The following DOCK5 variants were observed in gnomAD, a reference collection of about 807,000 sequenced individuals.
The protein encoded by DOCK5 is dedicator of cytokinesis 5.
A neutral mutation model predicts 251.8 loss-of-function variants in DOCK5; 142 were observed. The observed-to-expected ratio is 0.56, with a 90% CI of 0.49 to 0.65. The LOEUF is 0.65. Among genes scored for constraint, DOCK5 ranks in the 30% least tolerant of loss-of-function variants. The pLI, the probability that DOCK5 is intolerant of heterozygous loss-of-function variation, is 0.00. For synonymous variants in DOCK5, 842 were observed against 835.5 expected, an observed-to-expected ratio of 1.01 and a Z score of -0.13; for missense variants, 2,111 against 2,312.3, an observed-to-expected ratio of 0.91 and a Z score of 1.79.
At chr8:25,339,542 C>T (rs988618743) in intron 22 of DOCK5, among the ~76,000 whole-genome samples, 10 of 152,096 alleles carry the variant, frequency 6.6e-5, no homozygotes, top group Non-Finnish European at 1.3e-4. Context: ...CTGAGCTGAG[C>T]TGGGTGGAGG....
rs530772060 is a variant in DOCK5 at position 25,380,518 on chromosome 8, T to C, written c.4026+124T>C. On this transcript the variant is annotated intron_variant, in intron 39 of 51. Coordinates refer to ENST00000276440, the MANE Select transcript of DOCK5 (RefSeq NM_024940.8). ...TTTTTTACAATGGAAAAGTCAACTT[T>C]GCTTGAAATGAGAATGAAAAAAGAT... The C allele has an allele frequency of 1.3e-5, 10 of 790,482 alleles. No homozygotes were observed. In the African/African-American group the frequency reaches 1.7e-4, roughly 14 times the overall value. The allele number at this position is 790,482 out of a possible 1,614,324, so 49.0% of individuals were successfully genotyped here.
chr8:25,245,386 C>T (rs1409958741), intron 2 of DOCK5, among the ~76,000 whole-genome samples: 1 of 152,108 alleles, frequency 6.6e-6, no homozygotes. Context: ...CAGCTCATAC[C>T]TCTTTTGTCA....
chr8:25,316,775 TTAC>T (rs1344604027), intron 13 of DOCK5, among the ~76,000 whole-genome samples: 2 of 152,170 alleles, frequency 1.3e-5, no homozygotes, highest in East Asian at 3.9e-4. Flanking sequence ...AGAGAAAGAA[TTAC>T]TACTTAATTT....
chr8:25,230,616 C>T (rs1802644992), intron 1 of DOCK5, among the ~76,000 whole-genome samples: 1 of 151,782 alleles, frequency 6.6e-6, no homozygotes, highest in African/African-American at 2.4e-5. Flanking sequence ...TTTGGGAGGC[C>T]AAAGTGGGAG....
In DOCK5 at chr8:25,203,099, A is replaced by T. The variant is rs373093509; in HGVS notation, c.43+18148A>T. On this transcript the variant is annotated intron_variant, in intron 1 of 51. Coordinates refer to ENST00000276440, the MANE Select transcript of DOCK5 (RefSeq NM_024940.8). ...AGTGTCATGAATTCATGGATGTGTGACCAGTAGCTCTTGGCCAGCCATTTC... is the reference window on the plus strand; with the variant it reads ...AGTGTCATGAATTCATGGATGTGTGTCCAGTAGCTCTTGGCCAGCCATTTC... Among the ~76,000 whole-genome samples the T allele has an allele frequency of 9.8e-5, 15 of 152,332 alleles. No homozygotes were observed. In the South Asian group the frequency reaches 3.1e-3, roughly 32 times the overall value.
chr8:25,264,775 C>A (rs1266051971), intron 2 of DOCK5, among the ~76,000 whole-genome samples: 3 of 151,844 alleles, frequency 2.0e-5, no homozygotes, highest in African/African-American at 7.3e-5. Context: ...TGCAGTGAAC[C>A]AACATTGCAC....
chr8:25,235,788 C>A (rs1042384506), intron 1 of DOCK5, among the ~76,000 whole-genome samples: 1 of 144,502 alleles, frequency 6.9e-6, no homozygotes, highest in East Asian at 2.0e-4. Context: ...AGATTTTTTT[C>A]TTTTCTTTTC....
chr8:25,245,642 C>A (rs866853350), intron 2 of DOCK5, among the ~76,000 whole-genome samples: 1 of 151,344 alleles, frequency 6.6e-6, no homozygotes, highest in Non-Finnish European at 1.5e-5. Flanking sequence ...TGGGTTCAAG[C>A]GATTCTCATG....
intron 14 of DOCK5, chr8:25,317,339 A>G (rs1805281126): frequency 1.9e-6 from 1 of 517,004 alleles, no homozygotes; most frequent in Non-Finnish European, 3.2e-6. Flanking sequence ...TTATTTTTAT[A>G]TTTCTCCTGT....
chr8:25,374,756 A>G (rs1042962077), intron 37 of DOCK5, 102 bp downstream of exon 37: 64 of 1,605,932 alleles, frequency 4.0e-5, no homozygotes, highest in Non-Finnish European at 4.9e-5. Context: ...ACTTTATTCC[A>G]GGAATATCCT....
At chr8:25,389,611 G>T (rs1478310338) in intron 41 of DOCK5, among the ~76,000 whole-genome samples, 1 of 152,168 alleles carries the variant, frequency 6.6e-6, no homozygotes, top group Non-Finnish European at 1.5e-5. Context: ...ATCAGAGCAG[G>T]AGCGCTTACA....
intron 13 of DOCK5, among the ~76,000 whole-genome samples, chr8:25,313,385 A>G (rs1191376282): frequency 6.6e-6 from 1 of 152,026 alleles, no homozygotes; most frequent in Non-Finnish European, 1.5e-5. Flanking sequence ...ATCAACTCTG[A>G]CCTCTCAGCA....
At chr8:25,248,688 A>G (rs1803186335) in intron 2 of DOCK5, among the ~76,000 whole-genome samples, 1 of 152,172 alleles carries the variant, frequency 6.6e-6, no homozygotes, top group Admixed American at 6.5e-5. Flanking sequence ...GGTTGGCTGA[A>G]AAATTTCAGA....
chr8:25,191,229 TA>T (rs1410370477), intron 1 of DOCK5, among the ~76,000 whole-genome samples: 1 of 152,166 alleles, frequency 6.6e-6, no homozygotes, highest in Non-Finnish European at 1.5e-5. Context: ...TTGGCCTGTT[TA>T]CATTCTCATT....
chr8:25,222,441 G>A (rs1802415744), intron 1 of DOCK5, among the ~76,000 whole-genome samples: 1 of 152,096 alleles, frequency 6.6e-6, no homozygotes, highest in Admixed American at 6.5e-5. Context: ...GCCTGAACCG[G>A]CCCCTGACTC....
At chr8:25,221,362 A>G (rs768669021) in intron 1 of DOCK5, among the ~76,000 whole-genome samples, 1 of 152,098 alleles carries the variant, frequency 6.6e-6, no homozygotes, top group Non-Finnish European at 1.5e-5. Flanking sequence ...AGGCTGGAGT[A>G]CAGTGGCACA....
At chr8:25,253,690 T>C (rs1260048936) in intron 2 of DOCK5, among the ~76,000 whole-genome samples, 1 of 152,210 alleles carries the variant, frequency 6.6e-6, no homozygotes, top group Non-Finnish European at 1.5e-5. Flanking sequence ...CTCTGCTTCA[T>C]CCATAGTAAT....
rs527866903 is a variant in DOCK5 at position 25,356,597 on chromosome 8, A to C, written c.2851-2366A>C. 2.0e-5 allele frequency among the ~76,000 whole-genome samples: 3 copies of C among 152,084 alleles called. No homozygotes were observed. In the South Asian group the frequency reaches 6.2e-4, roughly 32 times the overall value. On this transcript the variant is annotated intron_variant, in intron 27 of 51. Transcript: ENST00000276440. ...TGTGAGGATCGCTTGAGCCCCAGGG[A>C]AGTCGAGGCTACAGTCAGCCATGAT...
intron 2 of DOCK5, among the ~76,000 whole-genome samples, chr8:25,255,474 A>G (rs1033020611): frequency 6.6e-6 from 1 of 152,226 alleles, no homozygotes; most frequent in African/African-American, 2.4e-5. Flanking sequence ...ATTCTGGATA[A>G]GGAAAAACTA....
Sources: gnomAD v4.1 joint callset for allele counts (sites outside exome capture counted in the v4.1 genomes callset) on GRCh38, gnomAD v4.1.1 for gene constraint, MANE v1.5 for transcripts, NCBI Gene and HGNC (gene_info 2026-07-23, HGNC 2026-07-21) for gene names.